The following WDFY4 variants were observed in gnomAD, a reference collection of about 807,000 sequenced individuals.
WDFY4 encodes WDFY family member 4.
WDFY4 carries 169 observed loss-of-function variants against 351.9 expected under a neutral mutation model. That is an observed-to-expected ratio of 0.48 (90% CI 0.42 to 0.55). The LOEUF is 0.55. WDFY4 is among the 20% of genes least tolerant of loss of function. The probability of loss-of-function intolerance (pLI) is 0.00; values close to 1 mark genes in which losing one functional copy is unlikely to be tolerated. For missense variants in WDFY4, 3,803 were observed against 3,935.6 expected (o/e 0.97, Z 0.90); for synonymous variants, 1,622 against 1,574.6 (o/e 1.03, Z -0.71).
intron 12 of WDFY4, among the ~76,000 whole-genome samples, chr10:48,750,395 A>T (rs905845531): frequency 2.6e-5 from 4 of 152,244 alleles, no homozygotes; most frequent in African/African-American, 9.6e-5. Context: ...GCATGCAGCC[A>T]TGCAGCCATG....
At chr10:48,873,970 C>A (rs1174605562) in intron 41 of WDFY4, among the ~76,000 whole-genome samples, 12 of 152,176 alleles carry the variant, frequency 7.9e-5, no homozygotes, top group Non-Finnish European at 1.6e-4. Context: ...ACCTATGCTG[C>A]AGGCACAGCC....
chr10:48,760,513 C>T, intron 13 of WDFY4, 73 bp downstream of exon 13: 1 of 1,460,650 alleles, frequency 6.8e-7, no homozygotes, highest in Non-Finnish European at 9.4e-7. Context: ...TGACCCAAGA[C>T]AGCTTTTTTC....
At chr10:48,831,309 A>T (rs184178213) in intron 38 of WDFY4, among the ~76,000 whole-genome samples, 1 of 152,222 alleles carries the variant, frequency 6.6e-6, no homozygotes, top group Admixed American at 6.5e-5. Flanking sequence ...CAAAATATTA[A>T]TGTCCCTTGC....
chr10:48,714,435 C>A (rs989329752), intron 2 of WDFY4, among the ~76,000 whole-genome samples: 1 of 152,190 alleles, frequency 6.6e-6, no homozygotes, highest in African/African-American at 2.4e-5. Context: ...CAACACAGAG[C>A]CAATGACTTC....
In WDFY4 at chr10:48,733,929, A is replaced by T. The variant is rs1333085435; in HGVS notation, c.1583-2A>T. The T allele has an allele frequency of 1.3e-6, 2 of 1,551,484 alleles. No individual in the cohort carries two copies. The highest frequency in any genetic ancestry group is 2.7e-5 in the African/African-American group (2 of 73,058). On this transcript the variant is annotated splice_acceptor_variant, in intron 9 of 61. Transcript: ENST00000325239. LOFTEE classifies it high-confidence loss of function. ...TTTGTTATTTCTTCTTCAATATGGC[A>T]GGAAACAAAGTGTCCACTCCTGGTG... is the stretch of plus-strand genomic sequence containing the variant.
intron 44 of WDFY4, among the ~76,000 whole-genome samples, chr10:48,896,978 A>C (rs1163629676): frequency 6.6e-6 from 1 of 151,768 alleles, no homozygotes; most frequent in African/African-American, 2.4e-5. Context: ...TAGCTGGCAC[A>C]GCGCCAGGCT....
chr10:48,961,241 G>A (rs777553728), intron 53 of WDFY4, among the ~76,000 whole-genome samples: 3 of 152,198 alleles, frequency 2.0e-5, no homozygotes, highest in Non-Finnish European at 4.4e-5. Context: ...ACTGTCTTGA[G>A]TACTTGGGCC....
chr10:48,727,804 T>C, intron 7 of WDFY4, 145 bp downstream of exon 7: 1 of 1,071,402 alleles, frequency 9.3e-7, no homozygotes. Flanking sequence ...TGATTCATTG[T>C]GCAGACAGGC....
chr10:48,914,286 C>A lies in WDFY4; in HGVS notation c.7586+12423C>A, dbSNP rs187744321. On this transcript the variant is annotated intron_variant, in intron 47 of 61. Coordinates refer to ENST00000325239, the MANE Select transcript of WDFY4 (RefSeq NM_001394531.1). ...AGGAGATGCCAGAGGGCACTGGGCT[C>A]CCCCACGTCATGACGCTTTGCTCTT... The A allele has an allele frequency of 1.1e-4, 100 of 950,494 alleles. 1 individual carries two copies. The African/African-American group carries it at 1.3e-3, about 12-fold the overall frequency. 58.9% of individuals were successfully genotyped at this position (950,494 alleles called of 1,614,324 possible).
At chr10:48,775,660 C>CTTTATTATTT in intron 14 of WDFY4, 52 bp from the exon 15 acceptor site, 1 of 1,496,832 alleles carries the variant, frequency 6.7e-7, no homozygotes, top group Non-Finnish European at 9.1e-7. Context: ...AGTTGGAGAA[C>CTTTATTATTT]ACTGTTGCTA....
At chr10:48,857,561 C>T (rs1234721788) in intron 39 of WDFY4, among the ~76,000 whole-genome samples, 1 of 151,902 alleles carries the variant, frequency 6.6e-6, no homozygotes, top group African/African-American at 2.4e-5. Context: ...TCTCAGGAAT[C>T]CCTAGAAATT....
intron 5 of WDFY4, among the ~76,000 whole-genome samples, chr10:48,725,374 A>G (rs74130616): frequency 0.02 from 3,096 of 152,250 alleles, 118 homozygotes; most frequent in African/African-American, 0.07. Context: ...TTTTATCCCA[A>G]GTGGAGAGGG....
At chr10:48,905,123 T>C (rs1463822275) in intron 47 of WDFY4, among the ~76,000 whole-genome samples, 1 of 152,232 alleles carries the variant, frequency 6.6e-6, no homozygotes, top group East Asian at 1.9e-4. Flanking sequence ...AGTGACAGCA[T>C]AGCTGTCCCT....
In WDFY4 at chr10:48,723,572, G is replaced by A. The variant is rs1332603162; in HGVS notation, c.591+5G>A. On this transcript the variant is annotated splice_donor_5th_base_variant and intron_variant, in intron 5 of 61. Coordinates refer to ENST00000325239, the MANE Select transcript of WDFY4 (RefSeq NM_001394531.1). ...GTTCAAAAGATGTTCGTGCAGGTGAGTTCAAGGAGGGCCTCCAATTCCCTG... is the reference window on the plus strand; with the variant it reads ...GTTCAAAAGATGTTCGTGCAGGTGAATTCAAGGAGGGCCTCCAATTCCCTG... 2.6e-6 allele frequency: 4 copies of A among 1,551,658 alleles called. No individual in the cohort carries two copies. The highest frequency in any genetic ancestry group is 1.4e-5 in the African/African-American group (1 of 73,040).
Position 48,976,968 on chromosome 10 carries a change from G to C in WDFY4, c.9280G>C (p.Gly3094Arg), listed in dbSNP as rs1322401125. Reference sequence around the variant, plus strand: ...GATCATCATCACCGGGAGTCAAGACGGCATGGTCCGGGTAGGTGTGTCTTG... The same window carrying C: ...GATCATCATCACCGGGAGTCAAGACCGCATGGTCCGGGTAGGTGTGTCTTG... Reference protein sequence around the residue: ...SQIIITGSQDGMVRVWKTEDV... With the variant: ...SQIIITGSQDRMVRVWKTEDV... Residue 3094 changes from glycine (G) to arginine (R), a missense_variant, in exon 59 of 62, where the codon GGC becomes CGC. Gly to Arg is a moderately radical substitution (Grantham distance 125, BLOSUM62 -2). Transcript: ENST00000325239. 1 of 1,470,068 alleles carries C rather than the reference G, an allele frequency of 6.8e-7. No homozygotes were observed. The highest frequency in any genetic ancestry group is 9.1e-7 in the Non-Finnish European group (1 of 1,101,682). The allele number at this position is 1,470,068 out of a possible 1,614,324, so 91.1% of individuals were successfully genotyped here.
chr10:48,696,983 A>T (rs1290755028), intron 1 of WDFY4, among the ~76,000 whole-genome samples: 1 of 152,192 alleles, frequency 6.6e-6, no homozygotes, highest in Non-Finnish European at 1.5e-5. Context: ...TTTGAATCTG[A>T]TCTATGTGAT....
At chr10:48,822,734 C>T (rs1334628716) in intron 35 of WDFY4, among the ~76,000 whole-genome samples, 197 bp downstream of exon 35, 1 of 152,224 alleles carries the variant, frequency 6.6e-6, no homozygotes, top group Non-Finnish European at 1.5e-5. Context: ...ACCTCAGGCC[C>T]CCTGAGCCCA....
intron 39 of WDFY4, among the ~76,000 whole-genome samples, chr10:48,833,172 TGA>T (rs35354863): frequency 0.083 from 11,245 of 135,524 alleles, 456 homozygotes; most frequent in Middle Eastern, 0.15. Flanking sequence ...TGTGTGTGTG[TGA>T]GAGAGAGAGA....
In WDFY4 at chr10:48,736,083, C is replaced by A; in HGVS notation, c.1878+13C>A. Reference sequence around the variant, plus strand: ...GGATCTCCTGAAGGTGATTTCAAGTCCTCCTTTGAGATTGGCTTCCCTGTG... The same window carrying A: ...GGATCTCCTGAAGGTGATTTCAAGTACTCCTTTGAGATTGGCTTCCCTGTG... On this transcript the variant is annotated intron_variant, in intron 11 of 61. Coordinates refer to ENST00000325239, the MANE Select transcript of WDFY4 (RefSeq NM_001394531.1). The A allele has an allele frequency of 6.4e-7, 1 of 1,551,670 alleles. No individual in the cohort carries two copies. Among genetic ancestry groups the A allele is most frequent in the Non-Finnish European group, 8.7e-7 (1 of 1,146,986 alleles).
Sources: gnomAD v4.1 joint callset for allele counts (sites outside exome capture counted in the v4.1 genomes callset) on GRCh38, gnomAD v4.1.1 for gene constraint, MANE v1.5 for transcripts, NCBI Gene and HGNC (gene_info 2026-07-23, HGNC 2026-07-21) for gene names.